The following HSPA12B variants were observed in gnomAD, a reference collection of about 807,000 sequenced individuals.
HSPA12B encodes the protein heat shock protein family A (Hsp70) member 12B, also known as heat shock 70 kDa protein 12B.
A neutral mutation model predicts 69.3 loss-of-function variants in HSPA12B; 54 were observed. The observed-to-expected ratio is 0.78, with a 90% CI of 0.63 to 0.98. The LOEUF (loss-of-function observed/expected upper bound fraction) is 0.98, where lower values mean the gene tolerates loss of function less well. Among genes scored for constraint, HSPA12B ranks in the 50% least tolerant of loss-of-function variants. The pLI is 0.00. For missense variants in HSPA12B, 929 were observed against 999.8 expected, an observed-to-expected ratio of 0.93 and a Z score of 0.96; for synonymous variants, 441 against 436.5, an observed-to-expected ratio of 1.01 and a Z score of -0.13.
At chr20:3,742,528 T>C (rs1369577432) in intron 4 of HSPA12B, 120 bp downstream of exon 4, 14 of 765,674 alleles carry the variant, frequency 1.8e-5, no homozygotes, top group Non-Finnish European at 2.9e-5. Context: ...ACCCCCAGTC[T>C]GGGGCTCCCC....
chr20:3,734,987 T>G (rs2088086869), intron 1 of HSPA12B, among the ~76,000 whole-genome samples: 1 of 151,984 alleles, frequency 6.6e-6, no homozygotes, highest in African/African-American at 2.4e-5. Context: ...ATCCACCCAC[T>G]TTGACCTCCC....
rs761703039 is a variant in HSPA12B, at chr20:3,751,873, G to A, written c.1768G>A (p.Val590Met). ...AEQSVALGEE[V>M]RRSYCPARPG... ...GCAGTCGGTGGCCCTGGGCGAGGAG[G>A]TGCGGCGCAGCTACTGCCCGGCGCG... The change falls in exon 13 of 13, where the codon GTG becomes ATG. Residue 590 changes from valine (V) to methionine (M), a missense_variant. By Grantham distance (21) the Val-to-Met change is conservative. Coordinates refer to ENST00000254963, the MANE Select transcript of HSPA12B (RefSeq NM_052970.5). 3 of 1,560,460 alleles carry A rather than the reference G, an allele frequency of 1.9e-6. No individual in the cohort carries two copies. Among genetic ancestry groups the A allele is most frequent in the South Asian group, 2.3e-5 (2 of 85,998 alleles).
rs141879532 is a variant in HSPA12B, at chr20:3,748,259, G to A, written c.718G>A (p.Ala240Thr). Residue 240 changes from alanine to threonine, a missense_variant, in exon 8 of 13, where the codon GCC becomes ACC. Ala to Thr is a moderately conservative substitution (Grantham distance 58). Transcript: ENST00000254963. ...SRENAEQLLI[A>T]LEPEAASVYC... ...AGAGAATGCAGAGCAGCTACTCATC[G>A]CCCTGGAGCCCGAGGCCGCCTCGGT... The A allele has an allele frequency of 1.5e-5, 24 of 1,600,864 alleles. No individual in the cohort carries two copies. Among genetic ancestry groups the A allele is most frequent in the African/African-American group, 4.0e-5 (3 of 74,390 alleles).
intron 8 of HSPA12B, 73 bp downstream of exon 8, chr20:3,748,464 T>C: frequency 7.4e-7 from 1 of 1,349,584 alleles, no homozygotes; most frequent in Non-Finnish European, 9.7e-7. Context: ...CTCAGCCATG[T>C]CTAGTATGAA....
Position 3,745,231 on chromosome 20 carries a change from G to C in HSPA12B, c.453+143G>C. 1 of 782,512 alleles carries C rather than the reference G, an allele frequency of 1.3e-6. No individual in the cohort carries two copies. The highest frequency in any genetic ancestry group is 2.0e-6 in the Non-Finnish European group (1 of 491,440). 48.5% of individuals were successfully genotyped at this position (782,512 alleles called of 1,614,324 possible). ...AGAGGGGGCGGGGCTAAAGGGAGAC[G>C]TCGGACTCCGGTGTGGGCGGAGCTC... On this transcript the variant is annotated intron_variant, in intron 5 of 12. Coordinates refer to ENST00000254963, the MANE Select transcript of HSPA12B (RefSeq NM_052970.5). The surrounding 1 kb of genome is among the most constrained non-coding windows in gnomAD (Gnocchi z 5.6).
In HSPA12B at chr20:3,744,925, G is replaced by C. The variant is rs1468037102; in HGVS notation, c.290G>C (p.Gly97Ala). 1.9e-6 allele frequency: 3 copies of C among 1,613,124 alleles called. No individual in the cohort carries two copies. The highest frequency in any genetic ancestry group is 2.2e-5 in the East Asian group (1 of 44,892). ...AGGAAATGGGAGGGCGGAGACCCGG[G>C]CGTGGCCCACCAGAAGACCCCGACC... Reference protein sequence around the residue: ...MMRKWEGGDPGVAHQKTPTCL... With the variant: ...MMRKWEGGDPAVAHQKTPTCL... Residue 97 changes from glycine to alanine, a missense_variant, in exon 5 of 13, where the codon GGC becomes GCC. Gly to Ala is a moderately conservative substitution (Grantham distance 60). Coordinates refer to ENST00000254963, the MANE Select transcript of HSPA12B (RefSeq NM_052970.5). This position sits in a 1 kb window ranked among gnomAD's most constrained non-coding sequence, Gnocchi z 4.9.
chr20:3,748,162 T>C (rs1568477988), intron 7 of HSPA12B, 55 bp from the exon 8 acceptor site: 3 of 1,422,744 alleles, frequency 2.1e-6, no homozygotes, highest in Non-Finnish European at 2.8e-6. Context: ...CACAGTGCCA[T>C]CTTAGGTGTG....
Position 3,740,891 on chromosome 20 carries a change from C to T in HSPA12B, c.120C>T (p.Pro40=), listed in dbSNP as rs115145502. The T allele has an allele frequency of 4.3e-4, 686 of 1,613,304 alleles. 2 individuals are homozygous for T. In the African/African-American group the frequency reaches 8.1e-3, roughly 19 times the overall value. ...PRTQESCGIA[P]LTPSQSPKPE... ...CCCAGGAAAGCTGCGGCATTGCCCC[C>T]CTCACACCCTCGCAGTCTCCAGTAA... Residue 40 remains proline, a synonymous_variant, in exon 3 of 13, where the codon CCC becomes CCT. Transcript: ENST00000254963. The surrounding 1 kb of genome is among the most constrained non-coding windows in gnomAD (Gnocchi z 4.9).
intron 7 of HSPA12B, among the ~76,000 whole-genome samples, chr20:3,746,492 C>T (rs984267313): frequency 1.9e-4 from 29 of 151,620 alleles, no homozygotes; most frequent in Admixed American, 1.8e-3. Context: ...TTAGTAGAGA[C>T]GGGGTTTCAT....
In HSPA12B at chr20:3,752,074, A is replaced by G; in HGVS notation, c.1969A>G (p.Met657Val). Residue 657 changes from methionine to valine, a missense_variant, in exon 13 of 13, where the codon ATG becomes GTG. Met to Val is a conservative substitution (Grantham distance 21). Coordinates refer to ENST00000254963, the MANE Select transcript of HSPA12B (RefSeq NM_052970.5). ...PPGRREIRAA[M>V]QFGDTEIKVT... ...CGGCCGCCGCGAGATCCGCGCCGCCATGCAGTTTGGCGACACCGAAATTAA... is the reference window on the plus strand; with the variant it reads ...CGGCCGCCGCGAGATCCGCGCCGCCGTGCAGTTTGGCGACACCGAAATTAA... 1.3e-6 allele frequency: 2 copies of G among 1,537,964 alleles called. No homozygotes were observed. The highest frequency in any genetic ancestry group is 1.7e-6 in the Non-Finnish European group (2 of 1,150,282).
In HSPA12B at chr20:3,740,057, TC is replaced by T. The variant is rs1311087631; in HGVS notation, c.44-755del. Among the ~76,000 whole-genome samples, 3 of 151,952 alleles carry T rather than the reference TC, an allele frequency of 2.0e-5. No homozygotes were observed. Among genetic ancestry groups the T allele is most frequent in the Non-Finnish European group, 4.4e-5 (3 of 67,982 alleles). ...GGGCTGTCCTCCAGGGCTACTCCAC[TC>T]CCTCCCACCAAAGGTCCAGCTCAGT... On this transcript the variant is annotated intron_variant, in intron 2 of 12. Coordinates refer to ENST00000254963, the MANE Select transcript of HSPA12B (RefSeq NM_052970.5). This position sits in a 1 kb window ranked among gnomAD's most constrained non-coding sequence, Gnocchi z 4.9.
In HSPA12B at chr20:3,751,908, G is replaced by A; in HGVS notation, c.1803G>A (p.Gln601=). 6.3e-7 allele frequency: 1 copy of A among 1,575,454 alleles called. No homozygotes were observed. The highest frequency in any genetic ancestry group is 8.6e-7 in the Non-Finnish European group (1 of 1,166,292). The stretch of plus-strand genomic sequence containing the variant: ...GCTACTGCCCGGCGCGTCCCGGCCA[G>A]CGGCGCGTACTCATCAACCTGTACT... The part of the protein sequence containing the change: ...RRSYCPARPG[Q]RRVLINLYCC... Residue 601 remains glutamine (Q), a synonymous_variant, in exon 13 of 13, where the codon CAG becomes CAA. Transcript: ENST00000254963.
chr20:3,739,365 C>T lies in HSPA12B; in HGVS notation c.43+648C>T, dbSNP rs139342939. Among the ~76,000 whole-genome samples, 672 of 150,912 alleles carry T rather than the reference C, an allele frequency of 4.5e-3. 2 individuals carry two copies. Among genetic ancestry groups the T allele is most frequent in the Middle Eastern group, 0.024 (7 of 290 alleles). Reference sequence around the variant, plus strand: ...CGGGAGTATAGTCTGCAGGTGGGCACGCATGCAGAGAGTTCTGCGTGTGCA... The same window carrying T: ...CGGGAGTATAGTCTGCAGGTGGGCATGCATGCAGAGAGTTCTGCGTGTGCA... On this transcript the variant is annotated intron_variant, in intron 2 of 12. Transcript: ENST00000254963.
At chr20:3,739,765 GCAGCACGTGA>G (rs1162096807) in intron 2 of HSPA12B, among the ~76,000 whole-genome samples, 4 of 152,176 alleles carry the variant, frequency 2.6e-5, no homozygotes, top group Non-Finnish European at 4.4e-5. Context: ...GACCTGCCTG[GCAGCACGTGA>G]CAGGACTGTG....
Position 3,744,913 on chromosome 20 carries a change from G to A in HSPA12B, c.278G>A (p.Gly93Asp). 6.2e-7 allele frequency: 1 copy of A among 1,612,578 alleles called. No individual in the cohort carries two copies. Among genetic ancestry groups the A allele is most frequent in the Non-Finnish European group, 8.5e-7 (1 of 1,179,942 alleles). Residue 93 changes from glycine to aspartate, a missense_variant, in exon 5 of 13, where the codon GGC becomes GAC. Gly to Asp is a moderately conservative substitution (Grantham distance 94). This residue lies in a region of HSPA12B where 477 missense variants were observed against 535.2 expected (regional missense o/e 0.89). Transcript: ENST00000254963. This position sits in a 1 kb window ranked among gnomAD's most constrained non-coding sequence, Gnocchi z 4.9. ...CTGTGCCTCCGCAGGAAATGGGAGG[G>A]CGGAGACCCGGGCGTGGCCCACCAG... is the stretch of plus-strand genomic sequence containing the variant. ...EAIHMMRKWE[G>D]GDPGVAHQKT...
chr20:3,744,916 G>A lies in HSPA12B; in HGVS notation c.281G>A (p.Gly94Glu). Residue 94 changes from glycine (G) to glutamate (E), a missense_variant, in exon 5 of 13, where the codon GGA becomes GAA. Transcript: ENST00000254963. This position sits in a 1 kb window ranked among gnomAD's most constrained non-coding sequence, Gnocchi z 4.9. ...AIHMMRKWEG[G>E]DPGVAHQKTP... ...TGCCTCCGCAGGAAATGGGAGGGCG[G>A]AGACCCGGGCGTGGCCCACCAGAAG... 3 of 1,612,844 alleles carry A rather than the reference G, an allele frequency of 1.9e-6. No individual in the cohort carries two copies. Among genetic ancestry groups the A allele is most frequent in the Non-Finnish European group, 2.5e-6 (3 of 1,179,972 alleles).
At position 3,742,297 on chromosome 20, in the gene HSPA12B, G is replaced by A. The variant is rs1310609752; in HGVS notation, c.155G>A (p.Arg52Gln). 13 of 1,613,916 alleles carry A rather than the reference G, an allele frequency of 8.1e-6. No individual in the cohort carries two copies. The highest frequency in any genetic ancestry group is 1.1e-5 in the South Asian group (1 of 91,060). The change falls in exon 4 of 13, where the codon CGA becomes CAA. Residue 52 changes from arginine (R) to glutamine (Q), a missense_variant. Physicochemically the swap from Arg to Gln is conservative, Grantham distance 43. Transcript: ENST00000254963. ...TPSQSPKPEV[R>Q]APQQASFSVV... is the part of the protein sequence containing the mutation. ...TTGCACTTGCAGAAACCCGAGGTCC[G>A]AGCCCCCCAGCAGGCCTCCTTCTCT...
Position 3,748,281 on chromosome 20 carries a change from C to G in HSPA12B, c.740C>G (p.Ser247Trp). The G allele has an allele frequency of 1.2e-6, 2 of 1,609,708 alleles. No individual in the cohort carries two copies. Among genetic ancestry groups the G allele is most frequent in the Non-Finnish European group, 8.5e-7 (1 of 1,177,970 alleles). ...LLIALEPEAA[S>W]VYCRKLRLHQ... Reference sequence around the variant, plus strand: ...ATCGCCCTGGAGCCCGAGGCCGCCTCGGTATACTGCCGCAAGCTGCGCCTG... The same window carrying G: ...ATCGCCCTGGAGCCCGAGGCCGCCTGGGTATACTGCCGCAAGCTGCGCCTG... The change falls in exon 8 of 13, where the codon TCG (serine) becomes TGG (tryptophan). Residue 247 changes from serine (S) to tryptophan (W), a missense_variant. Physicochemically the swap from Ser to Trp is radical, Grantham distance 177 (BLOSUM62 -3). Transcript: ENST00000254963.
chr20:3,751,752 C>T lies in HSPA12B; in HGVS notation c.1647C>T (p.Asn549=). ...SPLTYGVGVL[N]RFVPGRHPPE... ...TCACCTATGGCGTGGGCGTGCTCAA[C>T]CGCTTTGTGCCTGGGCGCCACCCGC... Residue 549 remains asparagine, a synonymous_variant, in exon 13 of 13, where the codon AAC becomes AAT. Coordinates refer to ENST00000254963, the MANE Select transcript of HSPA12B (RefSeq NM_052970.5). 3 of 1,523,414 alleles carry T rather than the reference C, an allele frequency of 2.0e-6. No individual in the cohort carries two copies. The highest frequency in any genetic ancestry group is 2.6e-6 in the Non-Finnish European group (3 of 1,141,122). The allele number at this position is 1,523,414 out of a possible 1,614,324, so 94.4% of individuals were successfully genotyped here.
Sources: allele counts gnomAD v4.1 joint callset (sites outside exome capture counted in the v4.1 genomes callset), GRCh38; gene constraint gnomAD v4.1.1; regional missense constraint gnomAD v4.1.1; non-coding constraint Gnocchi (gnomAD v3.1); transcripts MANE v1.5; gene names NCBI Gene and HGNC (gene_info 2026-07-23, HGNC 2026-07-21).